The following RSF1 variants were observed in gnomAD, a reference collection of about 807,000 sequenced individuals.
RSF1 encodes the protein remodeling and spacing factor 1.
A neutral mutation model predicts 145.2 loss-of-function variants in RSF1; 13 were observed. That is an observed-to-expected ratio of 0.09 (90% CI 0.06 to 0.14). The LOEUF (loss-of-function observed/expected upper bound fraction) is 0.14. Among genes scored for constraint, RSF1 ranks in the 10% least tolerant of loss-of-function variants. RSF1 has a pLI of 1.00. For missense variants in RSF1, 1,517 were observed against 1,718.2 expected, an observed-to-expected ratio of 0.88 and a Z score of 2.07; for synonymous variants, 577 against 592.6, an observed-to-expected ratio of 0.97 and a Z score of 0.38.
Position 77,672,182 on chromosome 11 carries a change from C to G in RSF1, c.3611G>C (p.Arg1204Pro). The change falls in exon 15 of 16, where the codon CGA (arginine) becomes CCA (proline). Residue 1204 changes from arginine to proline, a missense_variant. By Grantham distance (103) the Arg-to-Pro change is moderately radical. Coordinates refer to ENST00000308488, the MANE Select transcript of RSF1 (RefSeq NM_016578.4). ...DFSDDFVETR[R>P]RRSRRNQKRQ... ...TTTCTGATTTCTCCTTGACCGCCTT[C>G]GCCGAGTTTCTACAAAATCATCACT... 4 of 1,611,230 alleles carry G rather than the reference C, an allele frequency of 2.5e-6. No homozygotes were observed. Among genetic ancestry groups the G allele is most frequent in the Non-Finnish European group, 3.4e-6 (4 of 1,179,266 alleles).
chr11:77,796,926 A>G (rs1948578116), intron 1 of RSF1, among the ~76,000 whole-genome samples: 1 of 152,236 alleles, frequency 6.6e-6, no homozygotes, highest in South Asian at 2.1e-4. Context: ...CAAAGAGAAT[A>G]AAATACCTAA....
rs182966157 is a variant in RSF1 at position 77,811,790 on chromosome 11, G to T, written c.187+8738C>A. ...CTTGGTATCAAAGAAAGTGTCAGAG[G>T]CTAAGGTCTAGGATGCCTCCTTGGT... On this transcript the variant is annotated intron_variant, in intron 1 of 15. Coordinates refer to ENST00000308488, the MANE Select transcript of RSF1 (RefSeq NM_016578.4). Among the ~76,000 whole-genome samples, 345 of 152,304 alleles carry T rather than the reference G, an allele frequency of 2.3e-3. 6 individuals are homozygous for T. Among genetic ancestry groups the T allele is most frequent in the Admixed American group, 0.02 (310 of 15,298 alleles).
At chr11:77,852,861 T>G in the RSF1 span, among the ~76,000 whole-genome samples, 2 of 152,202 alleles carry the variant, frequency 1.3e-5, no homozygotes, top group African/African-American at 2.4e-5. Context: ...TATCAGTTCA[T>G]AGAGATATGT....
intron 2 of RSF1, among the ~76,000 whole-genome samples, chr11:77,761,377 G>A (rs1038140708): frequency 1.3e-5 from 2 of 151,674 alleles, no homozygotes; most frequent in Non-Finnish European, 2.9e-5. Flanking sequence ...CAATGTTACA[G>A]TATTTCTTTT....
chr11:77,827,050 A>T, the RSF1 span, among the ~76,000 whole-genome samples: 1 of 152,056 alleles, frequency 6.6e-6, no homozygotes, highest in East Asian at 1.9e-4. Flanking sequence ...GGTTGCAGTG[A>T]GCTGAGATGG....
chr11:77,687,177 G>GCA (rs1432988407), intron 9 of RSF1, among the ~76,000 whole-genome samples: 14 of 151,872 alleles, frequency 9.2e-5, no homozygotes, highest in Non-Finnish European at 2.1e-4. Flanking sequence ...GTGTATACAT[G>GCA]CACACACACA....
At chr11:77,677,297 T>A (rs1959735015) in intron 12 of RSF1, among the ~76,000 whole-genome samples, 1 of 152,200 alleles carries the variant, frequency 6.6e-6, no homozygotes, top group South Asian at 2.1e-4. Flanking sequence ...ATTTTTAGTA[T>A]AGTCACAAAG....
At chr11:77,837,180 G>C in the RSF1 span, among the ~76,000 whole-genome samples, 1 of 152,110 alleles carries the variant, frequency 6.6e-6, no homozygotes, top group Non-Finnish European at 1.5e-5. Flanking sequence ...CTGTCACCCA[G>C]GCTGGAGTGC....
intron 5 of RSF1, among the ~76,000 whole-genome samples, chr11:77,713,039 T>C (rs1466387963): frequency 6.6e-6 from 1 of 152,182 alleles, no homozygotes; most frequent in Non-Finnish European, 1.5e-5. Flanking sequence ...TACAGGAGAA[T>C]GACATTTTGA....
the RSF1 span, among the ~76,000 whole-genome samples, chr11:77,864,608 A>G: frequency 3.3e-5 from 5 of 152,334 alleles, no homozygotes; most frequent in East Asian, 5.8e-4. Context: ...AGCAGCAACT[A>G]TGAAATTGAC....
intron 12 of RSF1, 75 bp from the exon 13 acceptor site, chr11:77,677,074 C>A: frequency 8.8e-7 from 1 of 1,142,756 alleles, no homozygotes; most frequent in Non-Finnish European, 1.3e-6. Context: ...TTTCTAGAGA[C>A]AGTCCTTATT....
At chr11:77,678,858 A>G (rs1959784077) in intron 11 of RSF1, among the ~76,000 whole-genome samples, 1 of 152,190 alleles carries the variant, frequency 6.6e-6, no homozygotes, top group Non-Finnish European at 1.5e-5. Flanking sequence ...GGCCCTCACC[A>G]GACAGCATAC....
intron 15 of RSF1, among the ~76,000 whole-genome samples, chr11:77,668,949 A>G (rs1050641293): frequency 2.6e-5 from 4 of 152,088 alleles, no homozygotes; most frequent in Non-Finnish European, 5.9e-5. Flanking sequence ...ACTGAATTCC[A>G]GACTAGTGTA....
Position 77,672,023 on chromosome 11 carries a change from T to G in RSF1, c.3751+19A>C, listed in dbSNP as rs1289785646. On this transcript the variant is annotated intron_variant, in intron 15 of 15. Transcript: ENST00000308488. ...TTTGCCCTGTCCAAACTTCTATATA[T>G]AGGAGACCTATGCCTTACCTTCACT... 1 of 1,597,120 alleles carries G rather than the reference T, an allele frequency of 6.3e-7. No homozygotes were observed.
the RSF1 span, among the ~76,000 whole-genome samples, chr11:77,835,693 C>T: frequency 6.6e-6 from 1 of 151,864 alleles, no homozygotes. Flanking sequence ...CTGAGGTGGG[C>T]GGATCGCTTG....
At chr11:77,810,452 A>G (rs1948719519) in intron 1 of RSF1, among the ~76,000 whole-genome samples, 1 of 152,246 alleles carries the variant, frequency 6.6e-6, no homozygotes, top group Non-Finnish European at 1.5e-5. Context: ...ATACTAAAAC[A>G]GTTGGATGTA....
chr11:77,702,692 T>C (rs1051846656), intron 5 of RSF1, 197 bp from the exon 6 acceptor site: 2 of 385,866 alleles, frequency 5.2e-6, no homozygotes, highest in Middle Eastern at 6.7e-4. Flanking sequence ...CTTCTAGATA[T>C]TAAAAAAAAT....
chr11:77,731,755 C>A (rs1291561196), intron 4 of RSF1, among the ~76,000 whole-genome samples: 3 of 152,230 alleles, frequency 2.0e-5, no homozygotes, highest in Non-Finnish European at 2.9e-5. Context: ...TGGCAGCTTC[C>A]ATGTGGTGCT....
chr11:77,741,999 T>C (rs1947944615), intron 3 of RSF1, among the ~76,000 whole-genome samples: 1 of 152,260 alleles, frequency 6.6e-6, no homozygotes, highest in African/African-American at 2.4e-5. Flanking sequence ...TTCAACCGTG[T>C]TGTCACGAAA....
Sources: gnomAD v4.1 joint callset for allele counts (sites outside exome capture counted in the v4.1 genomes callset) on GRCh38, gnomAD v4.1.1 for gene constraint, MANE v1.5 for transcripts, NCBI Gene and HGNC (gene_info 2026-07-23, HGNC 2026-07-21) for gene names.